CCDC171: variants seen among roughly 807,000 people sequenced by gnomAD.
CCDC171 encodes the protein coiled-coil domain-containing protein 171.
Under a neutral mutation model 168.2 loss-of-function variants are expected in CCDC171, and 177 were observed. That is an observed-to-expected ratio of 1.05 (90% CI 0.93 to 1.19). CCDC171 has a LOEUF of 1.19. CCDC171 is among the 50% of genes most tolerant of loss of function. The probability of loss-of-function intolerance (pLI) is 0.00; values close to 1 mark genes in which losing one functional copy is unlikely to be tolerated. For missense variants in CCDC171, 1,991 were observed against 1,539.0 expected (o/e 1.29, Z -4.91); for synonymous variants, 687 against 540.8 (o/e 1.27, Z -3.75).
rs775091766 is a variant in CCDC171, at chr9:15,846,830, C to T, written c.3396C>T (p.Ala1132=). 2.9e-5 allele frequency: 46 copies of T among 1,607,404 alleles called. No homozygotes were observed. In the South Asian group the frequency reaches 3.2e-4, roughly 11 times the overall value. ...AGAACATCCATGATGCAGAGAGTGC[C>T]CTCCGCATGGCAGCCAAGTGAGCAT... ...LEENIHDAES[A]LRMAAKDKEC... Residue 1132 remains alanine, a synonymous_variant, in exon 22 of 26, where the codon GCC becomes GCT. Transcript: ENST00000380701.
rs1041765067 is a variant in CCDC171, at chr9:15,572,076, A to G, written c.177+317A>G. Among the ~76,000 whole-genome samples the G allele has an allele frequency of 4.6e-5, 7 of 152,204 alleles. No homozygotes were observed. The East Asian group carries it at 1.2e-3, about 25-fold the overall frequency. ...TCAGACATTTTTGAAATCATAATGT[A>G]GGTTCCTTTAAGGTCTCCATTATGG... is the stretch of plus-strand genomic sequence containing the variant. On this transcript the variant is annotated intron_variant, in intron 3 of 25. Coordinates refer to ENST00000380701, the MANE Select transcript of CCDC171 (RefSeq NM_173550.4).
chr9:15,932,977 T>C (rs967406687), intron 25 of CCDC171, among the ~76,000 whole-genome samples: 1 of 152,050 alleles, frequency 6.6e-6, no homozygotes, highest in Admixed American at 6.6e-5. Flanking sequence ...TTTAATGTGC[T>C]GTTGAGTTTG....
At chr9:16,018,961 A>C (rs749725524) in intron 3 of CCDC171, among the ~76,000 whole-genome samples, 2 of 151,938 alleles carry the variant, frequency 1.3e-5, no homozygotes, top group Non-Finnish European at 2.9e-5. Flanking sequence ...AGATTGAACA[A>C]TTTTTCCTAT....
chr9:15,854,683 G>A lies in CCDC171; in HGVS notation c.3468+5736G>A, dbSNP rs529383272. ...TAACTGCTCCAAGCTGGAAGGTTAG[G>A]TTATTGATTTGAGATCTTTCTTCTT... On this transcript the variant is annotated intron_variant, in intron 23 of 25. Transcript: ENST00000380701. Among the ~76,000 whole-genome samples the A allele has an allele frequency of 3.0e-4, 46 of 151,672 alleles. No individual in the cohort carries two copies. In the Middle Eastern group the frequency reaches 0.01, roughly 34 times the overall value.
intron 8 of CCDC171, among the ~76,000 whole-genome samples, chr9:15,662,553 C>G (rs767279401): frequency 6.6e-6 from 1 of 152,144 alleles, no homozygotes; most frequent in African/African-American, 2.4e-5. Context: ...CATATTATTT[C>G]GCAGTCTATG....
the CCDC171 span, among the ~76,000 whole-genome samples, chr9:16,100,561 C>A: frequency 1.2e-3 from 189 of 152,296 alleles, no homozygotes; most frequent in African/African-American, 4.3e-3. Context: ...TTCCTAGAGG[C>A]CACTTGAGTG....
At chr9:15,916,509 A>G (rs114370002) in intron 24 of CCDC171, among the ~76,000 whole-genome samples, 1,658 of 152,148 alleles carry the variant, frequency 0.011, 31 homozygotes, top group African/African-American at 0.038. Context: ...TGTAGATAAA[A>G]TATTTGATAT....
intron 3 of CCDC171, among the ~76,000 whole-genome samples, chr9:16,012,811 A>G (rs893011762): frequency 2.0e-5 from 3 of 152,030 alleles, no homozygotes; most frequent in Non-Finnish European, 4.4e-5. Flanking sequence ...TTATTTGTTC[A>G]TGGATGATAG....
At chr9:15,808,286 G>A (rs1344072359) in intron 21 of CCDC171, among the ~76,000 whole-genome samples, 3 of 152,150 alleles carry the variant, frequency 2.0e-5, no homozygotes, top group Non-Finnish European at 4.4e-5. Context: ...CAAATGGAGG[G>A]ATGTTTTGAG....
chr9:15,837,871 A>G (rs894942137), intron 21 of CCDC171, among the ~76,000 whole-genome samples: 1 of 152,230 alleles, frequency 6.6e-6, no homozygotes, highest in Admixed American at 6.5e-5. Flanking sequence ...AATCTCACTC[A>G]GTGGTTATTG....
chr9:15,595,987 A>G (rs1267398128), intron 6 of CCDC171, among the ~76,000 whole-genome samples: 2 of 151,932 alleles, frequency 1.3e-5, no homozygotes, highest in Non-Finnish European at 2.9e-5. Flanking sequence ...CCACTTGTTG[A>G]TGGGGTTGTT....
intron 25 of CCDC171, among the ~76,000 whole-genome samples, chr9:15,928,197 T>C (rs1216526671): frequency 1.3e-5 from 2 of 151,740 alleles, no homozygotes; most frequent in Non-Finnish European, 2.9e-5. Flanking sequence ...ATACAACCAT[T>C]GTACAAGTAA....
intron 7 of CCDC171, among the ~76,000 whole-genome samples, chr9:15,647,481 A>C (rs1459388169): frequency 6.6e-6 from 1 of 152,212 alleles, no homozygotes; most frequent in East Asian, 1.9e-4. Context: ...AAAGATCAAC[A>C]AAATTGCTAG....
intron 16 of CCDC171, among the ~76,000 whole-genome samples, chr9:15,731,425 G>A (rs1339971452): frequency 6.6e-6 from 1 of 152,068 alleles, no homozygotes; most frequent in Non-Finnish European, 1.5e-5. Context: ...GTTTTCACCT[G>A]TTCTTGAATT....
chr9:15,864,959 C>G (rs1335923383), intron 23 of CCDC171, among the ~76,000 whole-genome samples: 2 of 152,016 alleles, frequency 1.3e-5, no homozygotes, highest in Admixed American at 6.6e-5. Context: ...GAAATGTTCC[C>G]TATGTACGGC....
intron 24 of CCDC171, among the ~76,000 whole-genome samples, chr9:15,882,549 G>T (rs1177610): frequency 6.6e-4 from 100 of 152,118 alleles, no homozygotes; most frequent in African/African-American, 2.2e-3. Flanking sequence ...CCCAGTGTTT[G>T]GAAAAACTTA....
chr9:16,095,869 CATATATATAT>C, the CCDC171 span, among the ~76,000 whole-genome samples: 60 of 123,842 alleles, frequency 4.8e-4, 3 homozygotes, highest in African/African-American at 1.3e-3. Context: ...CACATAGGCA[CATATATATAT>C]ATATATATAT....
the CCDC171 span, among the ~76,000 whole-genome samples, chr9:16,071,536 C>A: frequency 3.5e-5 from 2 of 57,052 alleles, no homozygotes; most frequent in African/African-American, 2.8e-4. Context: ...ATCTTCTTGC[C>A]TGTCCCCAGT....
intron 3 of CCDC171, among the ~76,000 whole-genome samples, chr9:15,575,624 T>C (rs2040587683): frequency 6.6e-6 from 1 of 152,114 alleles, no homozygotes; most frequent in African/African-American, 2.4e-5. Context: ...TCTGTGAACA[T>C]AGATGGGGAA....
Sources: allele counts gnomAD v4.1 joint callset (sites outside exome capture counted in the v4.1 genomes callset), GRCh38; gene constraint gnomAD v4.1.1; transcripts MANE v1.5; gene names NCBI Gene and HGNC (gene_info 2026-07-23, HGNC 2026-07-21).